The following RAP1A variants were observed in gnomAD, a reference collection of about 807,000 sequenced individuals.
RAP1A encodes RAP1A, member of RAS oncogene family.
A neutral mutation model predicts 26.4 loss-of-function variants in RAP1A; 6 were observed. The observed-to-expected ratio is 0.23, with a 90% CI of 0.12 to 0.45. The LOEUF is 0.45. Among genes scored for constraint, RAP1A ranks in the 20% least tolerant of loss-of-function variants. RAP1A has a pLI of 0.99. For missense variants in RAP1A, 121 were observed against 217.2 expected, an observed-to-expected ratio of 0.56 and a Z score of 2.78; for synonymous variants, 73 against 79.4, an observed-to-expected ratio of 0.92 and a Z score of 0.43.
intron 1 of RAP1A, among the ~76,000 whole-genome samples, chr1:111,543,061 G>C (rs1268038427): frequency 1.3e-5 from 2 of 152,142 alleles, no homozygotes; most frequent in African/African-American, 4.8e-5. Context: ...GATTCTCCCA[G>C]TGGGTTATAA....
rs146671085 is a variant in RAP1A at position 111,660,989 on chromosome 1, G to T, written c.-27-30345G>T. ...TAAACCTACATGCCATATGGACTAC[G>T]ATCTCCCCATTGCTTTTTGTTTTCT... On this transcript the variant is annotated intron_variant, in intron 1 of 7. Transcript: ENST00000369709. Among the ~76,000 whole-genome samples, 34 of 152,284 alleles carry T rather than the reference G, an allele frequency of 2.2e-4. No individual in the cohort carries two copies. The East Asian group carries it at 6.6e-3, about 29-fold the overall frequency.
chr1:111,674,887 A>C (rs1661077442), intron 1 of RAP1A, among the ~76,000 whole-genome samples: 3 of 152,092 alleles, frequency 2.0e-5, no homozygotes, highest in East Asian at 1.9e-4. Context: ...CCCTGCCTCT[A>C]GTCTCTTCTT....
intron 2 of RAP1A, among the ~76,000 whole-genome samples, chr1:111,693,293 A>T (rs907965531): frequency 6.6e-6 from 1 of 152,150 alleles, no homozygotes; most frequent in South Asian, 2.1e-4. Context: ...GAATATAGAC[A>T]TTTGAAGAAG....
intron 1 of RAP1A, among the ~76,000 whole-genome samples, chr1:111,688,060 C>T (rs1345673462): frequency 2.9e-5 from 4 of 137,390 alleles, no homozygotes; most frequent in Non-Finnish European, 6.2e-5. Flanking sequence ...GACTTGTTCA[C>T]GATTTAAATG....
At chr1:111,576,275 G>A (rs1405868684) in intron 1 of RAP1A, among the ~76,000 whole-genome samples, 1 of 152,192 alleles carries the variant, frequency 6.6e-6, no homozygotes, top group Non-Finnish European at 1.5e-5. Context: ...GTCCTAAGGA[G>A]AGTTATAAAC....
At chr1:111,638,716 G>A (rs906100910) in intron 1 of RAP1A, among the ~76,000 whole-genome samples, 11 of 152,072 alleles carry the variant, frequency 7.2e-5, no homozygotes, top group South Asian at 2.1e-4. Context: ...GTGAGCCACC[G>A]TACCCTGTGT....
At chr1:111,564,028 C>T in intron 1 of RAP1A, 1 of 1,065,994 alleles carries the variant, frequency 9.4e-7, no homozygotes, top group Non-Finnish European at 1.4e-6. Context: ...ACCCTTCTGC[C>T]ATTAGAGAAC....
At chr1:111,620,704 A>G (rs866391970) in intron 1 of RAP1A, among the ~76,000 whole-genome samples, 5 of 151,662 alleles carry the variant, frequency 3.3e-5, no homozygotes, top group Admixed American at 6.6e-5. Flanking sequence ...GTTACTTTTC[A>G]TGGGTCTCTG....
chr1:111,710,050 A>G (rs1662328822), intron 7 of RAP1A, among the ~76,000 whole-genome samples: 1 of 152,202 alleles, frequency 6.6e-6, no homozygotes. Context: ...CAGCTTTAGT[A>G]GATACTGCTA....
At chr1:111,688,139 T>G (rs1333496589) in intron 1 of RAP1A, among the ~76,000 whole-genome samples, 1 of 147,052 alleles carries the variant, frequency 6.8e-6, no homozygotes. Flanking sequence ...GGATAAGGTC[T>G]GGGAAAAATC....
chr1:111,606,021 C>T (rs1251072249), intron 1 of RAP1A, among the ~76,000 whole-genome samples: 3 of 152,164 alleles, frequency 2.0e-5, no homozygotes, highest in African/African-American at 7.2e-5. Flanking sequence ...GGCCCAAATG[C>T]CTCTGCGCAG....
intron 7 of RAP1A, among the ~76,000 whole-genome samples, chr1:111,709,474 G>GT (rs1280623620): frequency 2.6e-5 from 4 of 151,272 alleles, no homozygotes; most frequent in African/African-American, 9.7e-5. Flanking sequence ...GACCATTTCT[G>GT]TTTTTTCTTG....
In RAP1A at chr1:111,660,715, G is replaced by A. The variant is rs148606087; in HGVS notation, c.-27-30619G>A. Among the ~76,000 whole-genome samples the A allele has an allele frequency of 3.2e-3, 485 of 152,220 alleles. 3 individuals carry two copies. The highest frequency in any genetic ancestry group is 0.011 in the African/African-American group (472 of 41,524). On this transcript the variant is annotated intron_variant, in intron 1 of 7. Coordinates refer to ENST00000369709, the MANE Select transcript of RAP1A (RefSeq NM_002884.4). ...TCAAAACTGTCCAGTGGCTTCCCAC[G>A]CATACCAAGTAAAAGCTGAAGTCCT... is the stretch of plus-strand genomic sequence containing the variant.
intron 1 of RAP1A, among the ~76,000 whole-genome samples, chr1:111,688,812 T>TG (rs1223078047): frequency 2.7e-5 from 2 of 74,600 alleles, no homozygotes; most frequent in African/African-American, 1.0e-4. Context: ...GTTTTTGTTT[T>TG]TTTTTTTTTG....
At chr1:111,553,752 C>A (rs1305614274) in intron 1 of RAP1A, among the ~76,000 whole-genome samples, 1 of 152,144 alleles carries the variant, frequency 6.6e-6, no homozygotes, top group Non-Finnish European at 1.5e-5. Flanking sequence ...TCCACTCCAC[C>A]CCCTTTTGTT....
At chr1:111,691,156 A>T (rs1430825081) in intron 1 of RAP1A, among the ~76,000 whole-genome samples, 178 bp from the exon 2 acceptor site, 6 of 152,212 alleles carry the variant, frequency 3.9e-5, no homozygotes, top group Admixed American at 2.0e-4. Context: ...AAATATCTGA[A>T]AGTAATCCTA....
intron 1 of RAP1A, among the ~76,000 whole-genome samples, chr1:111,644,116 C>T (rs1277171181): frequency 6.6e-6 from 1 of 152,182 alleles, no homozygotes; most frequent in East Asian, 1.9e-4. Flanking sequence ...GCAACACTTC[C>T]ATCTGTTTGA....
chr1:111,669,679 A>G (rs564807), intron 1 of RAP1A, among the ~76,000 whole-genome samples: 33,284 of 152,186 alleles, frequency 0.22, 3,710 homozygotes, highest in African/African-American at 0.26. Context: ...CAAGAAGAGC[A>G]TGAAAAGGTC....
At chr1:111,674,036 T>G (rs1661052111) in intron 1 of RAP1A, among the ~76,000 whole-genome samples, 1 of 152,218 alleles carries the variant, frequency 6.6e-6, no homozygotes, top group Non-Finnish European at 1.5e-5. Context: ...AATTTGACCA[T>G]CTCTGAGTTC....
Sources: allele counts gnomAD v4.1 joint callset (sites outside exome capture counted in the v4.1 genomes callset), GRCh38; gene constraint gnomAD v4.1.1; transcripts MANE v1.5; gene names NCBI Gene and HGNC (gene_info 2026-07-23, HGNC 2026-07-21).